The following GRID2 variants were observed in gnomAD, a reference collection of about 807,000 sequenced individuals.
GRID2 encodes the protein glutamate receptor ionotropic, delta-2.
A neutral mutation model predicts 114.8 loss-of-function variants in GRID2; 33 were observed. The ratio of observed to expected loss-of-function variants is 0.29; its 90% confidence interval spans 0.22 to 0.38. The LOEUF (loss-of-function observed/expected upper bound fraction) is 0.38, where lower values mean the gene tolerates loss of function less well. Among genes scored for constraint, GRID2 ranks in the 10% least tolerant of loss-of-function variants. GRID2 has a pLI of 1.00. For synonymous variants in GRID2, 505 were observed against 449.9 expected (o/e 1.12, Z -1.55); for missense variants, 1,184 against 1,257.7 (o/e 0.94, Z 0.89).
intron 2 of GRID2, among the ~76,000 whole-genome samples, chr4:92,632,394 G>T (rs1730852072): frequency 6.6e-6 from 1 of 152,054 alleles, no homozygotes; most frequent in Non-Finnish European, 1.5e-5. Context: ...CAAGAATTTG[G>T]AGGCTGATGC....
At chr4:93,659,103 A>G (rs1723262955) in intron 14 of GRID2, among the ~76,000 whole-genome samples, 1 of 152,094 alleles carries the variant, frequency 6.6e-6, no homozygotes, top group Non-Finnish European at 1.5e-5. Flanking sequence ...TGGCAGCAAC[A>G]GCTAAGTTAA....
At chr4:93,152,800 T>G (rs1245610709) in intron 4 of GRID2, among the ~76,000 whole-genome samples, 1 of 152,108 alleles carries the variant, frequency 6.6e-6, no homozygotes, top group Non-Finnish European at 1.5e-5. Flanking sequence ...AAGATATAAT[T>G]TATGGCCAGG....
Position 92,363,446 on chromosome 4 carries a change from A to G in GRID2, c.88+58702A>G, listed in dbSNP as rs1273988413. ...TTAGTTAAATAACATGAAACTTACT[A>G]TTAAGGAGGACATGTTTGATAAGAG... On this transcript the variant is annotated intron_variant, in intron 1 of 15. Coordinates refer to ENST00000282020, the MANE Select transcript of GRID2 (RefSeq NM_001510.4). Among the ~76,000 whole-genome samples, 7 of 152,126 alleles carry G rather than the reference A, an allele frequency of 4.6e-5. No homozygotes were observed. The South Asian group carries it at 1.5e-3, about 32-fold the overall frequency.
chr4:92,747,014 G>A (rs933961136), intron 2 of GRID2, among the ~76,000 whole-genome samples: 1 of 151,944 alleles, frequency 6.6e-6, no homozygotes, highest in Non-Finnish European at 1.5e-5. Flanking sequence ...AACATATAGA[G>A]AATTGATGGA....
chr4:93,759,196 C>T (rs574322222), intron 14 of GRID2, among the ~76,000 whole-genome samples: 3 of 152,152 alleles, frequency 2.0e-5, no homozygotes, highest in South Asian at 2.1e-4. Context: ...TCTTGAGATC[C>T]GTCATGTTGC....
At chr4:92,640,176 A>T (rs902676418) in intron 2 of GRID2, among the ~76,000 whole-genome samples, 1 of 151,828 alleles carries the variant, frequency 6.6e-6, no homozygotes, top group African/African-American at 2.4e-5. Flanking sequence ...AGAACAGTAG[A>T]TCACATATTT....
chr4:93,667,555 A>G (rs1724059143), intron 14 of GRID2, among the ~76,000 whole-genome samples: 1 of 152,010 alleles, frequency 6.6e-6, no homozygotes, highest in Non-Finnish European at 1.5e-5. Flanking sequence ...GATGGGTTTC[A>G]TGGAGAGCAG....
At chr4:93,250,240 C>G (rs1215389917) in intron 8 of GRID2, among the ~76,000 whole-genome samples, 1 of 152,006 alleles carries the variant, frequency 6.6e-6, no homozygotes, top group South Asian at 2.1e-4. Flanking sequence ...CAAACTAACG[C>G]AGGAACAGAA....
At position 92,676,401 on chromosome 4, in the gene GRID2, CGATCTT is replaced by C. The variant is rs1391958504; in HGVS notation, c.244+86116_244+86121del. 3.9e-5 allele frequency among the ~76,000 whole-genome samples: 6 copies of C among 151,902 alleles called. No homozygotes were observed. In the East Asian group the frequency reaches 1.2e-3, roughly 30 times the overall value. On this transcript the variant is annotated intron_variant, in intron 2 of 15. Transcript: ENST00000282020. The stretch of plus-strand genomic sequence containing the variant: ...TTCACTGTGTTAGCCAGGATGGTCT[CGATCTT>C]CTGACCTCATGATCTGCCTGCCTCA...
At chr4:92,817,862 G>T (rs1741010993) in intron 2 of GRID2, among the ~76,000 whole-genome samples, 1 of 151,960 alleles carries the variant, frequency 6.6e-6, no homozygotes, top group South Asian at 2.1e-4. Flanking sequence ...ATTATTTAAT[G>T]TAAGTTCTAT....
intron 14 of GRID2, among the ~76,000 whole-genome samples, chr4:93,754,916 G>T (rs1732615411): frequency 6.6e-6 from 1 of 152,206 alleles, no homozygotes. Flanking sequence ...CCAGCCTCTT[G>T]GTCCCTCTGA....
At chr4:92,688,787 G>A (rs889740944) in intron 2 of GRID2, among the ~76,000 whole-genome samples, 2 of 152,174 alleles carry the variant, frequency 1.3e-5, no homozygotes, top group South Asian at 2.1e-4. Flanking sequence ...CCCATGAACT[G>A]TTAACGTTCT....
chr4:93,069,790 C>T (rs1459727124), intron 2 of GRID2, among the ~76,000 whole-genome samples: 1 of 152,030 alleles, frequency 6.6e-6, no homozygotes, highest in Non-Finnish European at 1.5e-5. Flanking sequence ...ATGACTTTTG[C>T]CCAAGCACAA....
At chr4:92,869,860 A>C (rs959771299) in intron 2 of GRID2, among the ~76,000 whole-genome samples, 1 of 152,106 alleles carries the variant, frequency 6.6e-6, no homozygotes, top group Admixed American at 6.6e-5. Context: ...CCTTAACTTC[A>C]ACTATCATTT....
chr4:92,960,015 A>G (rs1752693949), intron 2 of GRID2, among the ~76,000 whole-genome samples: 1 of 151,980 alleles, frequency 6.6e-6, no homozygotes, highest in Non-Finnish European at 1.5e-5. Context: ...TTAAAAAAAA[A>G]GGAGAGAAGA....
intron 2 of GRID2, among the ~76,000 whole-genome samples, chr4:92,751,149 A>G (rs1737437815): frequency 6.6e-6 from 1 of 152,168 alleles, no homozygotes; most frequent in Non-Finnish European, 1.5e-5. Flanking sequence ...AATGCAGTAG[A>G]AAATGTATTA....
At chr4:93,007,281 A>G (rs1388927872) in intron 2 of GRID2, among the ~76,000 whole-genome samples, 2 of 152,078 alleles carry the variant, frequency 1.3e-5, no homozygotes, top group Non-Finnish European at 2.9e-5. Context: ...CACATGTTGA[A>G]AAGTCACATT....
rs555327682 is a variant in GRID2 at position 93,675,159 on chromosome 4, G to A, written c.2360+48724G>A. 2.0e-4 allele frequency among the ~76,000 whole-genome samples: 30 copies of A among 152,160 alleles called. No homozygotes were observed. In the East Asian group the frequency reaches 2.7e-3, roughly 14 times the overall value. ...ATAACGTGAACCTGTCATATATTGCGTGTGTGTGTCTGTGTGTGCATTTCT... is the reference window on the plus strand; with the variant it reads ...ATAACGTGAACCTGTCATATATTGCATGTGTGTGTCTGTGTGTGCATTTCT... On this transcript the variant is annotated intron_variant, in intron 14 of 15. Coordinates refer to ENST00000282020, the MANE Select transcript of GRID2 (RefSeq NM_001510.4).
At chr4:92,886,716 C>T (rs1043502624) in intron 2 of GRID2, among the ~76,000 whole-genome samples, 5 of 152,194 alleles carry the variant, frequency 3.3e-5, no homozygotes, top group African/African-American at 9.6e-5. Flanking sequence ...AGCTCTGCCT[C>T]CCAGGTTCAT....
Sources: gnomAD v4.1 joint callset for allele counts (sites outside exome capture counted in the v4.1 genomes callset) on GRCh38, gnomAD v4.1.1 for gene constraint, MANE v1.5 for transcripts, NCBI Gene and HGNC (gene_info 2026-07-23, HGNC 2026-07-21) for gene names.